The following CD177 variants were observed in gnomAD, a reference collection of about 807,000 sequenced individuals.
The protein encoded by CD177 is CD177 molecule.
Under a neutral mutation model 38.1 loss-of-function variants are expected in CD177, and 41 were observed. The observed-to-expected ratio is 1.07, with a 90% CI of 0.84 to 1.39. The LOEUF is 1.39. Ranked by LOEUF, CD177 falls within the 40% of genes most tolerant of loss-of-function variation. The pLI is 0.00. For synonymous variants in CD177, 236 were observed against 216.7 expected, an observed-to-expected ratio of 1.09 and a Z score of -0.78; for missense variants, 619 against 523.8, an observed-to-expected ratio of 1.18 and a Z score of -1.77.
At chr19:43,359,936 T>C (rs1226725640) in intron 5 of CD177, among the ~76,000 whole-genome samples, 4 of 149,694 alleles carry the variant, frequency 2.7e-5, no homozygotes, top group Admixed American at 1.3e-4. Flanking sequence ...TTCCTTATTA[T>C]TGAAATGAGG....
At position 43,354,078 on chromosome 19, in the gene CD177, G is replaced by A. The variant is rs114450936; in HGVS notation, c.193+85G>A. Reference sequence around the variant, plus strand: ...GCAGGGACCCGGGAGCCACCCCTCCGGGGGATCGACTCCTAGGGTCCCGGT... The same window carrying A: ...GCAGGGACCCGGGAGCCACCCCTCCAGGGGATCGACTCCTAGGGTCCCGGT... On this transcript the variant is annotated intron_variant, in intron 2 of 8. Coordinates refer to ENST00000618265, the MANE Select transcript of CD177 (RefSeq NM_020406.4). 1.8e-3 allele frequency: 2,800 copies of A among 1,571,206 alleles called. 58 individuals carry two copies. The African/African-American group carries it at 0.034, about 19-fold the overall frequency.
downstream of CD177, among the ~76,000 whole-genome samples, chr19:43,365,934 A>G (rs529829885): frequency 6.6e-6 from 1 of 152,208 alleles, no homozygotes; most frequent in South Asian, 2.1e-4. Context: ...GCCCCAGGTT[A>G]TGGTTTGGTA....
intron 8 of CD177, 52 bp downstream of exon 8, chr19:43,361,631 CCTGGGT>C: frequency 6.5e-7 from 1 of 1,536,602 alleles, no homozygotes. Flanking sequence ...GGCCTGGACT[CCTGGGT>C]CTGAGGGAGG....
At position 43,354,396 on chromosome 19, in the gene CD177, C is replaced by T. The variant is rs1969892162; in HGVS notation, c.379+4C>T. ...TGGGCCCCACAGCCCCCAGCAGGTG[C>T]CTGCGGGAGGGTCGGGAGGAGAGGG... On this transcript the variant is annotated splice_donor_region_variant and intron_variant, in intron 3 of 8. Coordinates refer to ENST00000618265, the MANE Select transcript of CD177 (RefSeq NM_020406.4). 6.2e-7 allele frequency: 1 copy of T among 1,613,572 alleles called. No homozygotes were observed.
chr19:43,362,033 A>G, intron 8 of CD177, 55 bp from the exon 9 acceptor site: 1 of 1,507,966 alleles, frequency 6.6e-7, no homozygotes, highest in East Asian at 2.3e-5. Context: ...TCCTGGGTTT[A>G]CAACTTGGCT....
At chr19:43,359,865 G>A (rs1410708381) in intron 5 of CD177, among the ~76,000 whole-genome samples, 1 of 135,462 alleles carries the variant, frequency 7.4e-6, no homozygotes, top group Non-Finnish European at 1.6e-5. Context: ...CTGGCCCTTC[G>A]CATCTTGTTT....
rs1969963969 is a variant in CD177 at position 43,361,510 on chromosome 19, G to C, written c.1012G>C (p.Gly338Arg). Residue 338 changes from glycine to arginine, a missense_variant, in exon 8 of 9, where the codon GGC becomes CGC. Physicochemically the swap from Gly to Arg is moderately radical, Grantham distance 125. Coordinates refer to ENST00000618265, the MANE Select transcript of CD177 (RefSeq NM_020406.4). ...GCAGCCCCTTGGAACCTGTTCAAGT[G>C]GCTCCCCCCGAATGACCTGCCCCAG... The part of the protein sequence containing the change: ...CVQPLGTCSS[G>R]SPRMTCPRGA... The C allele has an allele frequency of 1.9e-6, 3 of 1,591,596 alleles. No individual in the cohort carries two copies. The highest frequency in any genetic ancestry group is 2.7e-5 in the African/African-American group (2 of 73,820).
At chr19:43,363,347 G>C (rs1970001508), downstream of CD177, among the ~76,000 whole-genome samples, 2 of 151,924 alleles carry the variant, frequency 1.3e-5, no homozygotes, top group Admixed American at 6.6e-5. Flanking sequence ...AGGGTGAGGA[G>C]AAGAGCCACT....
Position 43,361,184 on chromosome 19 carries a change from G to A in CD177, c.802G>A (p.Val268Ile). 1 of 1,549,780 alleles carries A rather than the reference G, an allele frequency of 6.5e-7. No homozygotes were observed. The highest frequency in any genetic ancestry group is 1.7e-5 in the Admixed American group (1 of 59,374). ...GGTGGGGACAAAAGGCTGCAGCACT[G>A]TTGGGGCTCAAAATTCCCAGAAGAC... ...TLVGTKGCST[V>I]GAQNSQKTTI... Residue 268 changes from valine to isoleucine, a missense_variant, in exon 7 of 9, where the codon GTT (valine) becomes ATT (isoleucine). Physicochemically the swap from Val to Ile is conservative, Grantham distance 29 (BLOSUM62 3). Transcript: ENST00000618265.
rs1253992134 is a variant in CD177 at position 43,362,147 on chromosome 19, T to C, written c.1141T>C (p.Leu381=). The change falls in exon 9 of 9, where the codon TTG becomes CTG. Residue 381 remains leucine, a synonymous_variant. Coordinates refer to ENST00000618265, the MANE Select transcript of CD177 (RefSeq NM_020406.4). ...GCVAQPSSFL[L]NHTRQIGIFS... is the part of the protein sequence containing the mutation. ...CGTGGCCCAACCTTCCAGCTTCTTG[T>C]TGAACCACACCAGACAAATCGGGAT... 1.2e-6 allele frequency: 2 copies of C among 1,613,790 alleles called. No individual in the cohort carries two copies. Among genetic ancestry groups the C allele is most frequent in the South Asian group, 1.1e-5 (1 of 91,084 alleles).
chr19:43,364,277 G>A (rs2122260166), downstream of CD177, among the ~76,000 whole-genome samples: 1 of 152,290 alleles, frequency 6.6e-6, no homozygotes, highest in South Asian at 2.1e-4. Context: ...CTGGGGGCGG[G>A]GCTGCTGGTG....
intron 8 of CD177, among the ~76,000 whole-genome samples, chr19:43,361,790 G>A (rs1048252559): frequency 6.7e-6 from 1 of 148,946 alleles, no homozygotes; most frequent in Non-Finnish European, 1.5e-5. Context: ...GTCCCAGGGA[G>A]GAGGGGCTGG....
chr19:43,353,698 C>T lies in CD177; in HGVS notation c.-17C>T. 6.2e-7 allele frequency: 1 copy of T among 1,613,786 alleles called. No homozygotes were observed. The highest frequency in any genetic ancestry group is 8.5e-7 in the Non-Finnish European group (1 of 1,179,786). ...CTGCTGAAAAAGCAGAAAGAGATTA[C>T]CAGCCACAGACGGGTCATGAGCGCG... On this transcript the variant is annotated 5_prime_UTR_variant, in exon 1 of 9. Transcript: ENST00000618265.
At chr19:43,354,668 AC>A in intron 3 of CD177, 1 of 592,484 alleles carries the variant, frequency 1.7e-6, no homozygotes, top group African/African-American at 1.9e-5. Context: ...ATATGAAATC[AC>A]CATTAACTGG....
chr19:43,354,499 C>A, intron 3 of CD177, 107 bp downstream of exon 3: 2 of 1,169,982 alleles, frequency 1.7e-6, no homozygotes, highest in Non-Finnish European at 2.5e-6. Context: ...GCTATCCCGA[C>A]CCTCGCTGGC....
chr19:43,361,708 G>T lies in CD177; in HGVS notation c.1081+129G>T, dbSNP rs1365489322. ...GAGGCGCTGGGGGCCTGGACTCCTG[G>T]TCCGAGGGAGGAGGGGCTGGGGGCC... is the stretch of plus-strand genomic sequence containing the variant. On this transcript the variant is annotated intron_variant, in intron 8 of 8. Coordinates refer to ENST00000618265, the MANE Select transcript of CD177 (RefSeq NM_020406.4). 6.5e-5 allele frequency: 64 copies of T among 977,724 alleles called. No individual in the cohort carries two copies. The African/African-American group carries it at 9.8e-4, about 15-fold the overall frequency. 60.6% of individuals were successfully genotyped at this position (977,724 alleles called of 1,614,324 possible).
intron 5 of CD177, among the ~76,000 whole-genome samples, chr19:43,359,906 G>A (rs1446442818): frequency 6.8e-6 from 1 of 146,828 alleles, no homozygotes; most frequent in African/African-American, 2.5e-5. Context: ...TGAAAGGTAT[G>A]AGAAAGGTCT....
At chr19:43,361,979 G>A in intron 8 of CD177, 109 bp from the exon 9 acceptor site, 3 of 882,072 alleles carry the variant, frequency 3.4e-6, no homozygotes, top group East Asian at 2.5e-5. Context: ...GGAGCTGGGG[G>A]TCTGGGCTCC....
downstream of CD177, among the ~76,000 whole-genome samples, chr19:43,364,085 G>A (rs1164648176): frequency 6.6e-6 from 1 of 152,120 alleles, no homozygotes; most frequent in African/African-American, 2.4e-5. Flanking sequence ...CTGTCTCAAG[G>A]GGGAAAAATA....
Sources: gnomAD v4.1 joint callset for allele counts (sites outside exome capture counted in the v4.1 genomes callset) on GRCh38, gnomAD v4.1.1 for gene constraint, MANE v1.5 for transcripts, NCBI Gene and HGNC (gene_info 2026-07-23, HGNC 2026-07-21) for gene names.